Variants in SORCS3 observed in about 807,000 individuals in gnomAD.
The protein encoded by SORCS3 is sortilin related VPS10 domain containing receptor 3.
In SORCS3, 57 loss-of-function variants were observed where a neutral mutation model predicts 146.3. That is an observed-to-expected ratio of 0.39 (90% CI 0.31 to 0.49). The LOEUF is 0.49. Among genes scored for constraint, SORCS3 ranks in the 20% least tolerant of loss-of-function variants. The pLI, the probability that SORCS3 is intolerant of heterozygous loss-of-function variation, is 0.92. For synonymous variants in SORCS3, 653 were observed against 618.5 expected (o/e 1.06, Z -0.83); for missense variants, 1,341 against 1,575.5 (o/e 0.85, Z 2.52).
intron 1 of SORCS3, among the ~76,000 whole-genome samples, chr10:104,649,096 A>G (rs2015529505): frequency 6.6e-6 from 1 of 152,206 alleles, no homozygotes; most frequent in South Asian, 2.1e-4. Flanking sequence ...GTATGGGTAT[A>G]TGGTACAACT....
At chr10:104,957,606 C>T (rs776142681) in intron 3 of SORCS3, among the ~76,000 whole-genome samples, 1 of 151,410 alleles carries the variant, frequency 6.6e-6, no homozygotes, top group Middle Eastern at 3.2e-3. Context: ...GGACAAAATA[C>T]AAAACCATCA....
chr10:104,737,421 C>T (rs1331584938), intron 1 of SORCS3, among the ~76,000 whole-genome samples: 23 of 151,704 alleles, frequency 1.5e-4, no homozygotes, highest in South Asian at 6.2e-4. Context: ...CCTATTTCTC[C>T]ACATCCTCTC....
intron 21 of SORCS3, 126 bp from the exon 22 acceptor site, chr10:105,247,093 C>G: frequency 2.1e-6 from 1 of 466,994 alleles, no homozygotes; most frequent in Non-Finnish European, 3.8e-6. Flanking sequence ...ACAAGGAATT[C>G]TAGCAGAAGC....
chr10:105,144,221 C>T (rs1000693080), intron 8 of SORCS3, among the ~76,000 whole-genome samples: 1 of 152,138 alleles, frequency 6.6e-6, no homozygotes, highest in African/African-American at 2.4e-5. Context: ...ATTTCCTTGA[C>T]TGTTCCATCC....
At chr10:104,770,716 C>T (rs1475834785) in intron 1 of SORCS3, among the ~76,000 whole-genome samples, 5 of 151,512 alleles carry the variant, frequency 3.3e-5, no homozygotes, top group African/African-American at 4.8e-5. Flanking sequence ...ACCTGTGGTC[C>T]CAGCTACTCA....
At chr10:104,893,627 A>G (rs2018770322) in intron 2 of SORCS3, among the ~76,000 whole-genome samples, 2 of 152,056 alleles carry the variant, frequency 1.3e-5, no homozygotes, top group Admixed American at 6.6e-5. Flanking sequence ...CTGGTGCGAG[A>G]CCTTTAACTG....
At chr10:105,235,567 G>T (rs2056788711) in intron 20 of SORCS3, among the ~76,000 whole-genome samples, 1 of 151,522 alleles carries the variant, frequency 6.6e-6, no homozygotes, top group African/African-American at 2.4e-5. Context: ...ATTTAAGTAA[G>T]GTACGACCTC....
chr10:105,172,238 G>GTTAA lies in SORCS3; in HGVS notation c.1901+4889_1901+4890insTTAA, dbSNP rs1399396938. ...GCTAGAAAAGCCTTTTTAAGTTCTGGGAAATGACATGATATGCAACTCAAG... is the reference window on the plus strand; with the variant it reads ...GCTAGAAAAGCCTTTTTAAGTTCTGGTTAAGAAATGACATGATATGCAACTCAAG... On this transcript the variant is annotated intron_variant, in intron 13 of 26. Coordinates refer to ENST00000369701, the MANE Select transcript of SORCS3 (RefSeq NM_014978.3). Among the ~76,000 whole-genome samples the GTTAA allele has an allele frequency of 3.3e-3, 499 of 152,136 alleles. 3 individuals carry two copies. Among genetic ancestry groups the GTTAA allele is most frequent in the African/African-American group, 0.011 (477 of 41,518 alleles).
At chr10:105,148,308 A>G (rs150620978) in intron 9 of SORCS3, among the ~76,000 whole-genome samples, 4 of 152,182 alleles carry the variant, frequency 2.6e-5, no homozygotes, top group African/African-American at 7.2e-5. Context: ...TATGCAGGGT[A>G]AAAAACTGGC....
chr10:104,738,369 T>C (rs1010993867), intron 1 of SORCS3, among the ~76,000 whole-genome samples: 1 of 152,244 alleles, frequency 6.6e-6, no homozygotes, highest in East Asian at 1.9e-4. Context: ...TGACATTTTA[T>C]ATCGATCCAG....
At chr10:104,873,640 A>G (rs1001069488) in intron 2 of SORCS3, among the ~76,000 whole-genome samples, 3 of 152,158 alleles carry the variant, frequency 2.0e-5, no homozygotes, top group African/African-American at 7.2e-5. Context: ...TCTCATTTTT[A>G]TTATAATTGT....
chr10:104,642,022 G>GGGGGC, intron 1 of SORCS3, 68 bp downstream of exon 1: 1 of 173,336 alleles, frequency 5.8e-6, no homozygotes, highest in Non-Finnish European at 1.1e-5. Context: ...GGGTGGGTGG[G>GGGGGC]AGCGAGGGAC....
At chr10:104,796,118 A>G (rs2017552036) in intron 1 of SORCS3, among the ~76,000 whole-genome samples, 1 of 152,222 alleles carries the variant, frequency 6.6e-6, no homozygotes, top group Admixed American at 6.5e-5. Context: ...GGATTGCATG[A>G]GTTGTCTCCC....
At chr10:104,869,036 G>A (rs1204862066) in intron 2 of SORCS3, among the ~76,000 whole-genome samples, 2 of 152,004 alleles carry the variant, frequency 1.3e-5, no homozygotes, top group African/African-American at 4.8e-5. Flanking sequence ...AGAAACACCA[G>A]AACCAATTCA....
chr10:105,062,159 A>G (rs1227089440), intron 5 of SORCS3, among the ~76,000 whole-genome samples: 2 of 152,190 alleles, frequency 1.3e-5, no homozygotes, highest in Non-Finnish European at 2.9e-5. Context: ...ATAAGACATT[A>G]TTGTTTACTG....
intron 4 of SORCS3, among the ~76,000 whole-genome samples, chr10:105,014,074 T>TATATATATATAC (rs1554868634): frequency 1.7e-4 from 17 of 99,760 alleles, no homozygotes; most frequent in African/African-American, 6.0e-4. Context: ...TATACATATA[T>TATATATATATAC]ATATATATAC....
At chr10:104,981,627 A>G (rs772992222) in intron 4 of SORCS3, among the ~76,000 whole-genome samples, 1 of 152,170 alleles carries the variant, frequency 6.6e-6, no homozygotes, top group Non-Finnish European at 1.5e-5. Context: ...AAGACAGTGC[A>G]ATCCTAGAAA....
intron 22 of SORCS3, 21 bp downstream of exon 22, chr10:105,247,352 T>C: frequency 7.1e-7 from 1 of 1,405,728 alleles, no homozygotes; most frequent in Non-Finnish European, 1.0e-6. Context: ...TTTGTCTTTT[T>C]TTAAGTTCTT....
At chr10:104,656,113 C>A (rs2015626552) in intron 1 of SORCS3, among the ~76,000 whole-genome samples, 1 of 152,044 alleles carries the variant, frequency 6.6e-6, no homozygotes, top group Non-Finnish European at 1.5e-5. Context: ...GGACATTTAA[C>A]TTAGGAAGGG....
Sources: gnomAD v4.1 joint callset for allele counts (sites outside exome capture counted in the v4.1 genomes callset) on GRCh38, gnomAD v4.1.1 for gene constraint, MANE v1.5 for transcripts, NCBI Gene and HGNC (gene_info 2026-07-23, HGNC 2026-07-21) for gene names.